RARB: variants seen among roughly 807,000 people sequenced by gnomAD.
RARB encodes the protein retinoic acid receptor beta.
A neutral mutation model predicts 51.9 loss-of-function variants in RARB; 17 were observed. The ratio of observed to expected loss-of-function variants is 0.33; its 90% CI spans 0.22 to 0.49. RARB has a LOEUF of 0.49. Among genes scored for constraint, RARB ranks in the 20% least tolerant of loss-of-function variants. The pLI is 0.99. For synonymous variants in RARB, 215 were observed against 195.4 expected (o/e 1.10, Z -0.84); for missense variants, 369 against 550.8 (o/e 0.67, Z 3.30).
At chr3:25,244,232 T>G (rs1242346011) in intron 5 of RARB, among the ~76,000 whole-genome samples, 1 of 151,936 alleles carries the variant, frequency 6.6e-6, no homozygotes, top group African/African-American at 2.4e-5. Flanking sequence ...AGCAGTCTAT[T>G]TTTTTAATCT....
rs143096860 is a variant in RARB, at chr3:25,158,523, T to C, written c.-279-15596T>C. Among the ~76,000 whole-genome samples the C allele has an allele frequency of 2.0e-3, 308 of 152,206 alleles. 2 individuals carry two copies. The highest frequency in any genetic ancestry group is 0.019 in the East Asian group (96 of 5,172). On this transcript the variant is annotated intron_variant, in intron 4 of 11. Transcript: ENST00000383772. ...TAATTGCCTTTGTAGCAAGTATTGGTTTTAGGGGGGAGGTGGTAACTCTTC... is the reference window on the plus strand; with the variant it reads ...TAATTGCCTTTGTAGCAAGTATTGGCTTTAGGGGGGAGGTGGTAACTCTTC...
intron 2 of RARB, among the ~76,000 whole-genome samples, chr3:24,866,803 G>T (rs1228160971): frequency 6.6e-6 from 1 of 152,124 alleles, no homozygotes; most frequent in Non-Finnish European, 1.5e-5. Flanking sequence ...TGTAGAGCTG[G>T]TTAAAGGGGA....
At chr3:24,932,778 T>C (rs1052016924) in intron 2 of RARB, among the ~76,000 whole-genome samples, 16 of 152,144 alleles carry the variant, frequency 1.1e-4, no homozygotes, top group Admixed American at 1.0e-3. Flanking sequence ...AAACATTCCG[T>C]GGGATTGTAT....
chr3:24,896,360 A>C (rs1338794016), intron 2 of RARB, among the ~76,000 whole-genome samples: 2 of 152,116 alleles, frequency 1.3e-5, no homozygotes, highest in Non-Finnish European at 2.9e-5. Context: ...TCCAGGTTCA[A>C]GCGATCCTCC....
At chr3:25,313,512 T>G (rs1704341993) in intron 5 of RARB, among the ~76,000 whole-genome samples, 1 of 152,204 alleles carries the variant, frequency 6.6e-6, no homozygotes, top group African/African-American at 2.4e-5. Flanking sequence ...CTTTGCCTGG[T>G]TCCCTGGCCC....
intron 5 of RARB, among the ~76,000 whole-genome samples, chr3:25,409,715 C>T: frequency 6.6e-6 from 1 of 152,318 alleles, no homozygotes; most frequent in Non-Finnish European, 1.5e-5. Flanking sequence ...GCAGAATTCA[C>T]AGTAGTCAGT....
At chr3:25,285,108 T>A (rs1703617525) in intron 5 of RARB, among the ~76,000 whole-genome samples, 1 of 152,210 alleles carries the variant, frequency 6.6e-6, no homozygotes, top group African/African-American at 2.4e-5. Context: ...TCCAGTTTAA[T>A]AGCTGAGAGC....
chr3:25,168,823 C>T (rs1031427082), intron 4 of RARB, among the ~76,000 whole-genome samples: 4 of 152,066 alleles, frequency 2.6e-5, no homozygotes, highest in Admixed American at 1.3e-4. Flanking sequence ...AAGATATTAT[C>T]AAAGGAAGCA....
At chr3:24,959,020 C>T (rs1165950733) in intron 2 of RARB, among the ~76,000 whole-genome samples, 1 of 152,196 alleles carries the variant, frequency 6.6e-6, no homozygotes, top group African/African-American at 2.4e-5. Context: ...AAACTCAATG[C>T]AGGCCCCACA....
At chr3:25,117,489 T>C (rs1424617633) in intron 3 of RARB, among the ~76,000 whole-genome samples, 2 of 152,098 alleles carry the variant, frequency 1.3e-5, no homozygotes. Context: ...GTAAGGCCTG[T>C]GAGGAAGGTT....
intron 3 of RARB, among the ~76,000 whole-genome samples, chr3:25,504,788 TTTTG>T (rs1414257336): frequency 1.6e-3 from 212 of 130,068 alleles, no homozygotes; most frequent in African/African-American, 5.0e-3. Flanking sequence ...TTTTTTTTTT[TTTTG>T]TGTCACCCAG....
intron 3 of RARB, among the ~76,000 whole-genome samples, chr3:25,517,148 C>A (rs1575479998): frequency 6.6e-6 from 1 of 152,048 alleles, no homozygotes; most frequent in Non-Finnish European, 1.5e-5. Flanking sequence ...TCTAAAATAT[C>A]AAAACTAATG....
At chr3:24,987,873 A>C (rs1389161703) in intron 2 of RARB, among the ~76,000 whole-genome samples, 1 of 152,216 alleles carries the variant, frequency 6.6e-6, no homozygotes, top group Non-Finnish European at 1.5e-5. Context: ...AATTACATAT[A>C]CGCATACAAA....
chr3:25,290,599 AAGG>A (rs1703763437), intron 5 of RARB, among the ~76,000 whole-genome samples: 1 of 152,210 alleles, frequency 6.6e-6, no homozygotes, highest in African/African-American at 2.4e-5. Flanking sequence ...AAGGCTTTAC[AAGG>A]AGTATCTCTG....
Position 25,185,287 on chromosome 3 carries a change from A to G in RARB, c.178+10712A>G, listed in dbSNP as rs185431054. Among the ~76,000 whole-genome samples the G allele has an allele frequency of 4.6e-5, 7 of 152,278 alleles. No individual in the cohort carries two copies. The East Asian group carries it at 5.8e-4, about 13-fold the overall frequency. On this transcript the variant is annotated intron_variant, in intron 5 of 11. Transcript: ENST00000383772. The stretch of plus-strand genomic sequence containing the variant: ...AGAGTTCACATCCAAGAAATACACA[A>G]CATTTAAGGCTATTTTTCATAGATG...
At chr3:25,192,562 C>T (rs990600125) in intron 5 of RARB, among the ~76,000 whole-genome samples, 1 of 151,962 alleles carries the variant, frequency 6.6e-6, no homozygotes, top group Admixed American at 6.6e-5. Context: ...TCGTGTTTTC[C>T]ATCAGTGGTT....
chr3:25,237,121 T>A (rs964361755), intron 5 of RARB, among the ~76,000 whole-genome samples: 3 of 152,026 alleles, frequency 2.0e-5, no homozygotes, highest in African/African-American at 7.2e-5. Flanking sequence ...CTGAAAAGAT[T>A]TTCTTTAATA....
chr3:25,084,734 G>T (rs1609938), intron 3 of RARB, among the ~76,000 whole-genome samples: 1 of 151,184 alleles, frequency 6.6e-6, no homozygotes, highest in South Asian at 2.1e-4. Context: ...TATTCCATCT[G>T]TTTGGGGTTT....
At chr3:24,872,233 G>A (rs2362770) in intron 2 of RARB, among the ~76,000 whole-genome samples, 1 of 151,924 alleles carries the variant, frequency 6.6e-6, no homozygotes, top group Non-Finnish European at 1.5e-5. Context: ...CCTTGCACAC[G>A]GTGGCAGCCT....
Sources: allele counts gnomAD v4.1 joint callset (sites outside exome capture counted in the v4.1 genomes callset), GRCh38; gene constraint gnomAD v4.1.1; transcripts MANE v1.5; gene names NCBI Gene and HGNC (gene_info 2026-07-23, HGNC 2026-07-21).